Variants in ZNF324B observed in about 807,000 individuals in gnomAD.
ZNF324B encodes the protein zinc finger protein 324B.
In ZNF324B, 7 loss-of-function variants were observed where a neutral mutation model predicts 10.6. The ratio of observed to expected loss-of-function variants is 0.66; its 90% CI spans 0.38 to 1.24. The LOEUF is 1.24. ZNF324B is among the 50% of genes most tolerant of loss of function. The probability of loss-of-function intolerance (pLI) is 0.02; values close to 1 mark genes in which losing one functional copy is unlikely to be tolerated. For synonymous variants in ZNF324B, 316 were observed against 321.0 expected, an observed-to-expected ratio of 0.98 and a Z score of 0.17; for missense variants, 640 against 764.7, an observed-to-expected ratio of 0.84 and a Z score of 1.92.
chr19:58,443,629 C>T, the ZNF324B span: 1 of 152,274 alleles, frequency 6.6e-6, no homozygotes, highest in South Asian at 2.1e-4. Flanking sequence ...TAGCATATCA[C>T]ATGCAGCTGG....
At chr19:58,452,439 G>A (rs993389147) in intron 1 of ZNF324B, 8 of 152,040 alleles carry the variant, frequency 5.3e-5, no homozygotes, top group African/African-American at 1.9e-4. Flanking sequence ...CAGGGGTGTC[G>A]GCATGAAGGG....
At chr19:58,439,996 T>C in the ZNF324B span, 1 of 638,038 alleles carries the variant, frequency 1.6e-6, no homozygotes, top group South Asian at 1.9e-5. Context: ...TGGCTCCACT[T>C]TCGGGAACAC....
chr19:58,437,112 T>G, the ZNF324B span: 1 of 1,614,140 alleles, frequency 6.2e-7, no homozygotes, highest in Non-Finnish European at 8.5e-7. Context: ...CTGGGCTGCA[T>G]CAAGGAGCTC....
At chr19:58,440,022 C>A in the ZNF324B span, 2 of 585,866 alleles carry the variant, frequency 3.4e-6, no homozygotes, top group South Asian at 2.1e-5. Flanking sequence ...CTCATAAAAG[C>A]AGAGTAATTA....
At chr19:58,442,486 T>C in the ZNF324B span, 1 of 152,808 alleles carries the variant, frequency 6.5e-6, no homozygotes, top group Non-Finnish European at 1.5e-5. Flanking sequence ...GTTACAGTTC[T>C]TAAAGATGGT....
rs1267465356 is a variant in ZNF324B at position 58,457,043 on chromosome 19, G to C, written c.*464G>C. The stretch of plus-strand genomic sequence containing the variant: ...TTTTCCCCCTGAGGCCTCTATTCAA[G>C]GCTTCCTGGGGGCCATCTCAGCAAA... On this transcript the variant is annotated 3_prime_UTR_variant, in exon 4 of 4. Transcript: ENST00000336614. 5.6e-6 allele frequency: 1 copy of C among 178,220 alleles called. No individual in the cohort carries two copies. The highest frequency in any genetic ancestry group is 5.3e-5 in the Admixed American group (1 of 18,724). 11.0% of individuals were successfully genotyped at this position (178,220 alleles called of 1,614,324 possible).
At chr19:58,439,829 G>A in the ZNF324B span, 7 of 1,540,748 alleles carry the variant, frequency 4.5e-6, no homozygotes, top group African/African-American at 5.5e-5. Context: ...CATAACAGGA[G>A]GCCCAGGGCT....
At chr19:58,439,724 C>G in the ZNF324B span, 2 of 1,494,816 alleles carry the variant, frequency 1.3e-6, no homozygotes, top group Non-Finnish European at 1.8e-6. Context: ...GGCCGGAATC[C>G]CAGCGGGTGA....
chr19:58,456,622 T>G lies in ZNF324B; in HGVS notation c.*43T>G. 1.9e-6 allele frequency: 3 copies of G among 1,584,428 alleles called. No individual in the cohort carries two copies. The South Asian group carries it at 3.5e-5, about 18-fold the overall frequency. ...CAACCCTTTCTTGGCCTTCTGTGAA[T>G]CCCTTCCACAGCTAAAGGGTCCGAG... On this transcript the variant is annotated 3_prime_UTR_variant, in exon 4 of 4. Transcript: ENST00000336614. The surrounding 1 kb of genome is among the most constrained non-coding windows in gnomAD (Gnocchi z 4.7).
chr19:58,433,837 A>G, the ZNF324B span: 3 of 1,614,222 alleles, frequency 1.9e-6, no homozygotes, highest in Non-Finnish European at 1.7e-6. Context: ...TCCAGTGTGA[A>G]TTCTCCAGTG....
chr19:58,427,105 C>CT, the ZNF324B span, among the ~76,000 whole-genome samples: 59 of 149,444 alleles, frequency 3.9e-4, no homozygotes, highest in Admixed American at 2.1e-3. Context: ...TATTAGGAAT[C>CT]TTTTTTTTTT....
the ZNF324B span, among the ~76,000 whole-genome samples, chr19:58,419,874 A>G: frequency 6.6e-6 from 1 of 152,168 alleles, no homozygotes; most frequent in East Asian, 1.9e-4. Flanking sequence ...GTGTAGTGGT[A>G]TGATCACGGC....
chr19:58,435,267 C>G, the ZNF324B span: 1 of 1,553,510 alleles, frequency 6.4e-7, no homozygotes, highest in Non-Finnish European at 8.7e-7. Flanking sequence ...GAATGGTTGA[C>G]TTCATTAGAA....
At chr19:58,427,291 T>TCTTTCTTTCTTTCTTTC in the ZNF324B span, among the ~76,000 whole-genome samples, 1 of 58,310 alleles carries the variant, frequency 1.7e-5, no homozygotes, top group African/African-American at 5.8e-5. Flanking sequence ...TGCCTGGCTT[T>TCTTTCTTTCTTTCTTTC]TTTCTTTCTT....
Position 58,456,202 on chromosome 19 carries a change from A to G in ZNF324B, c.1258A>G (p.Thr420Ala), listed in dbSNP as rs1391122300. 2 of 1,613,174 alleles carry G rather than the reference A, an allele frequency of 1.2e-6. No homozygotes were observed. Among genetic ancestry groups the G allele is most frequent in the South Asian group, 2.2e-5 (2 of 91,056 alleles). ...SSLFLHQRVH[T>A]GEKPFACAQC... The stretch of plus-strand genomic sequence containing the variant: ...GCTCTTTTTGCACCAGCGCGTGCAC[A>G]CAGGCGAGAAGCCCTTCGCCTGCGC... Residue 420 changes from threonine (T) to alanine (A), a missense_variant, in exon 4 of 4, where the codon ACA becomes GCA. This residue lies in a region of ZNF324B where 238 missense variants were observed against 258.0 expected (regional missense o/e 0.92). Coordinates refer to ENST00000336614, the MANE Select transcript of ZNF324B (RefSeq NM_207395.3). The surrounding 1 kb of genome is among the most constrained non-coding windows in gnomAD (Gnocchi z 4.7).
the ZNF324B span, chr19:58,445,766 G>A: frequency 3.4e-6 from 1 of 296,938 alleles, no homozygotes; most frequent in South Asian, 3.0e-5. Flanking sequence ...AGTGAGCTGA[G>A]TTAGAGCCAC....
the ZNF324B span, chr19:58,437,846 C>G: frequency 1.0e-6 from 1 of 958,024 alleles, no homozygotes; most frequent in African/African-American, 1.8e-5. Flanking sequence ...CCTGTTCCTT[C>G]AACCATCAGC....
chr19:58,433,616 G>A, the ZNF324B span: 64 of 1,613,902 alleles, frequency 4.0e-5, no homozygotes, highest in African/African-American at 4.0e-5. Context: ...CTGGATTTTC[G>A]GCTAAAGAAT....
the ZNF324B span, among the ~76,000 whole-genome samples, chr19:58,427,452 C>CCCTTCCTTCCTTCCTT: frequency 1.3e-4 from 6 of 47,066 alleles, 1 homozygote; most frequent in East Asian, 1.3e-3. Context: ...CCTTTCCTTT[C>CCCTTCCTTCCTTCCTT]CCTTCCTTCC....
Sources: gnomAD v4.1 joint callset for allele counts (sites outside exome capture counted in the v4.1 genomes callset) on GRCh38, gnomAD v4.1.1 for gene constraint, gnomAD v4.1.1 regional missense constraint, Gnocchi (gnomAD v3.1) non-coding constraint, MANE v1.5 for transcripts, NCBI Gene and HGNC (gene_info 2026-07-23, HGNC 2026-07-21) for gene names.